Variants in TRIM42 observed in about 807,000 individuals in gnomAD.
TRIM42 encodes the protein tripartite motif containing 42.
Under a neutral mutation model 64.9 loss-of-function variants are expected in TRIM42, and 59 were observed. That is an observed-to-expected ratio of 0.91 (90% confidence interval 0.74 to 1.13). The LOEUF (loss-of-function observed/expected upper bound fraction) is 1.13, where lower values mean the gene tolerates loss of function less well. TRIM42 is among the 50% of genes most tolerant of loss of function. The pLI is 0.00. For synonymous variants in TRIM42, 354 were observed against 346.3 expected, an observed-to-expected ratio of 1.02 and a Z score of -0.25; for missense variants, 878 against 929.5, an observed-to-expected ratio of 0.94 and a Z score of 0.72.
rs912895040 is a variant in TRIM42, at chr3:140,696,807, A to G, written c.2086-4081A>G. 6.6e-5 allele frequency among the ~76,000 whole-genome samples: 10 copies of G among 152,328 alleles called. 1 individual carries two copies. Among genetic ancestry groups the G allele is most frequent in the Admixed American group, 5.9e-4 (9 of 15,304 alleles). On this transcript the variant is annotated intron_variant, in intron 4 of 4. Coordinates refer to ENST00000286349, the MANE Select transcript of TRIM42 (RefSeq NM_152616.5). The stretch of plus-strand genomic sequence containing the variant: ...CCGGTTAGGTTGGATTAGGGTCCTC[A>G]TTTTAATTAAATCACCTCTTCAAAG...
In TRIM42 at chr3:140,688,535, C is replaced by G. The variant is rs761332501; in HGVS notation, c.1853C>G (p.Ala618Gly). ...TACCAGACTCTGGTGTACCCAAGAG[C>G]TGCCAAGGTAAGAAAGGTTCTGGGC... Reference protein sequence around the residue: ...VIYQTLVYPRAAKVYWTCPAE... With the variant: ...VIYQTLVYPRGAKVYWTCPAE... The change falls in exon 3 of 5, where the codon GCT (alanine) becomes GGT (glycine). Residue 618 changes from alanine (A) to glycine (G), a missense_variant. Coordinates refer to ENST00000286349, the MANE Select transcript of TRIM42 (RefSeq NM_152616.5). 2 of 1,605,946 alleles carry G rather than the reference C, an allele frequency of 1.2e-6. No homozygotes were observed. Among genetic ancestry groups the G allele is most frequent in the South Asian group, 1.1e-5 (1 of 89,816 alleles).
chr3:140,687,570 C>A (rs1449209145), intron 2 of TRIM42, 152 bp from the exon 3 acceptor site: 3 of 619,164 alleles, frequency 4.8e-6, no homozygotes, highest in Admixed American at 3.0e-5. Context: ...TTTCATAAAC[C>A]TATTCCAGCC....
chr3:140,695,097 A>G (rs1441304475), intron 4 of TRIM42, among the ~76,000 whole-genome samples: 3 of 151,992 alleles, frequency 2.0e-5, no homozygotes, highest in Admixed American at 2.0e-4. Flanking sequence ...ATTAAAAAAA[A>G]GTCAGCTGGG....
intron 2 of TRIM42, 150 bp from the exon 3 acceptor site, chr3:140,687,572 A>C: frequency 1.6e-6 from 1 of 624,220 alleles, no homozygotes; most frequent in Non-Finnish European, 2.8e-6. Flanking sequence ...TCATAAACCT[A>C]TTCCAGCCTG....
chr3:140,694,152 T>G (rs947424429), intron 4 of TRIM42, among the ~76,000 whole-genome samples: 3 of 152,146 alleles, frequency 2.0e-5, no homozygotes, highest in Non-Finnish European at 2.9e-5. Context: ...CATAGTACTT[T>G]ACTCTGGGAG....
In TRIM42 at chr3:140,682,921, C is replaced by T. The variant is rs750028405; in HGVS notation, c.801C>T (p.His267=). 9.3e-6 allele frequency: 15 copies of T among 1,614,260 alleles called. No homozygotes were observed. Among genetic ancestry groups the T allele is most frequent in the Non-Finnish European group, 1.3e-5 (15 of 1,180,044 alleles). The change falls in exon 2 of 5, where the codon CAC becomes CAT. Residue 267 remains histidine (H), a synonymous_variant. Coordinates refer to ENST00000286349, the MANE Select transcript of TRIM42 (RefSeq NM_152616.5). ...NLCNDCLKAF[H]SDVAMQDHVF... ...GCAACGACTGCCTCAAGGCCTTCCA[C>T]TCGGATGTGGCCATGCAAGACCACG...
At chr3:140,678,751 C>G (rs1245700514) in intron 1 of TRIM42, among the ~76,000 whole-genome samples, 181 bp downstream of exon 1, 1 of 152,166 alleles carries the variant, frequency 6.6e-6, no homozygotes, top group East Asian at 1.9e-4. Context: ...GTATGTAGAC[C>G]ATGAGCTCCA....
intron 2 of TRIM42, among the ~76,000 whole-genome samples, chr3:140,684,977 G>T (rs1424949011): frequency 6.6e-6 from 1 of 152,176 alleles, no homozygotes; most frequent in African/African-American, 2.4e-5. Context: ...TCAATTCAAG[G>T]TGGGGGGAAA....
At position 140,679,598 on chromosome 3, in the gene TRIM42, C is replaced by G. The variant is rs567928173; in HGVS notation, c.341+1028C>G. On this transcript the variant is annotated intron_variant, in intron 1 of 4. Coordinates refer to ENST00000286349, the MANE Select transcript of TRIM42 (RefSeq NM_152616.5). Reference sequence around the variant, plus strand: ...TTTAGTAGATGCTTAACAAACATAGCTCTCCACCCATGACCCTCTCATAGT... The same window carrying G: ...TTTAGTAGATGCTTAACAAACATAGGTCTCCACCCATGACCCTCTCATAGT... 2.0e-5 allele frequency among the ~76,000 whole-genome samples: 3 copies of G among 152,320 alleles called. No individual in the cohort carries two copies. In the East Asian group the frequency reaches 5.8e-4, roughly 29 times the overall value.
At position 140,692,562 on chromosome 3, in the gene TRIM42, C is replaced by CACACAGAG. The variant is rs375439126; in HGVS notation, c.2085+1371_2085+1372insCACAGAGA. Among the ~76,000 whole-genome samples the CACACAGAG allele has an allele frequency of 4.0e-3, 452 of 114,190 alleles. 3 individuals are homozygous for CACACAGAG. The highest frequency in any genetic ancestry group is 9.3e-3 in the Middle Eastern group (2 of 214). The allele number at this position is 114,190 out of a possible 152,430, so 74.9% of individuals were successfully genotyped here. A position where few individuals can be genotyped will look rare whatever the true frequency, so the allele number is the denominator to read the frequency against. On this transcript the variant is annotated intron_variant, in intron 4 of 4. Transcript: ENST00000286349. Reference sequence around the variant, plus strand: ...ACACACACACACACACACACACACACAGAGAGAGATAGAGAGAGAGAGAGA... The same window carrying CACACAGAG: ...ACACACACACACACACACACACACACACACAGAGAGAGAGAGATAGAGAGAGAGAGAGA...
chr3:140,682,492 C>T lies in TRIM42; in HGVS notation c.372C>T (p.Ser124=), dbSNP rs775007506. The T allele has an allele frequency of 4.3e-6, 7 of 1,613,926 alleles. No homozygotes were observed. The highest frequency in any genetic ancestry group is 1.3e-5 in the African/African-American group (1 of 74,932). The change falls in exon 2 of 5, where the codon AGC becomes AGT. Residue 124 remains serine (S), a synonymous_variant. Coordinates refer to ENST00000286349, the MANE Select transcript of TRIM42 (RefSeq NM_152616.5). ...AGACTGCCCTGCGCACTGGGAGCAG[C>T]GATACCCAGGTGGATGAAGTAAAGT... ...SSKTALRTGS[S]DTQVDEVKSI...
chr3:140,679,956 C>T (rs563943245), intron 1 of TRIM42, among the ~76,000 whole-genome samples: 278 of 148,560 alleles, frequency 1.9e-3, no homozygotes, highest in African/African-American at 6.5e-3. Flanking sequence ...CCCCCCACCC[C>T]GCTTCAGGTG....
At position 140,687,323 on chromosome 3, in the gene TRIM42, T is replaced by G. The variant is rs141577781; in HGVS notation, c.1040-399T>G. Among the ~76,000 whole-genome samples, 246 of 152,332 alleles carry G rather than the reference T, an allele frequency of 1.6e-3. 1 individual carries two copies. The highest frequency in any genetic ancestry group is 5.8e-3 in the African/African-American group (241 of 41,580). On this transcript the variant is annotated intron_variant, in intron 2 of 4. Coordinates refer to ENST00000286349, the MANE Select transcript of TRIM42 (RefSeq NM_152616.5). ...GAAACTTAGTTCTTCCTCTTACCAC[T>G]GCAAAAGCTTAGGTTTCCTACAGGG...
intron 4 of TRIM42, among the ~76,000 whole-genome samples, chr3:140,700,002 C>T (rs1988956920): frequency 6.6e-6 from 1 of 152,076 alleles, no homozygotes; most frequent in Non-Finnish European, 1.5e-5. Flanking sequence ...CCATACAAAC[C>T]CCACCCCCAT....
At position 140,700,961 on chromosome 3, in the gene TRIM42, A is replaced by G. The variant is rs780835663; in HGVS notation, c.2159A>G (p.Gln720Arg). The G allele has an allele frequency of 1.9e-6, 3 of 1,614,086 alleles. No homozygotes were observed. The highest frequency in any genetic ancestry group is 3.3e-5 in the Admixed American group (2 of 60,026). The change falls in exon 5 of 5, where the codon CAG (glutamine) becomes CGG (arginine). Residue 720 changes from glutamine (Q) to arginine (R), a missense_variant. By Grantham distance (43) the Gln-to-Arg change is conservative. Coordinates refer to ENST00000286349, the MANE Select transcript of TRIM42 (RefSeq NM_152616.5). ...CTGAAGAATATCCAGTCTGCCCTCC[A>G]GAAGCACTTCTGAGCCCCTTCAGAG... ...GLLKNIQSAL[Q>R]KHF
chr3:140,687,608 C>T, intron 2 of TRIM42, 114 bp from the exon 3 acceptor site: 1 of 761,828 alleles, frequency 1.3e-6, no homozygotes, highest in Non-Finnish European at 2.1e-6. Context: ...AAGTGCCTTC[C>T]CTCCCTCTTC....
At position 140,681,429 on chromosome 3, in the gene TRIM42, G is replaced by A. The variant is rs985362736; in HGVS notation, c.342-1033G>A. Among the ~76,000 whole-genome samples, 4 of 152,066 alleles carry A rather than the reference G, an allele frequency of 2.6e-5. 1 individual carries two copies. The highest frequency in any genetic ancestry group is 3.2e-3 in the Middle Eastern group (1 of 316). On this transcript the variant is annotated intron_variant, in intron 1 of 4. Transcript: ENST00000286349. ...GTACTGTGAGCTTTGACTTATAGTT[G>A]AGAAAACTGAACATGAGAGAGGTTT...
chr3:140,695,229 C>G (rs546659261), intron 4 of TRIM42, among the ~76,000 whole-genome samples: 1 of 152,162 alleles, frequency 6.6e-6, no homozygotes, highest in African/African-American at 2.4e-5. Context: ...GCCTGGGTGA[C>G]AGAGTGAGAC....
intron 2 of TRIM42, among the ~76,000 whole-genome samples, chr3:140,687,388 C>G (rs557309568): frequency 6.6e-6 from 1 of 152,338 alleles, no homozygotes; most frequent in African/African-American, 2.4e-5. Flanking sequence ...CACCTCTTCT[C>G]AAGTCCAACT....
Sources: gnomAD v4.1 joint callset for allele counts (sites outside exome capture counted in the v4.1 genomes callset) on GRCh38, gnomAD v4.1.1 for gene constraint, MANE v1.5 for transcripts, NCBI Gene and HGNC (gene_info 2026-07-23, HGNC 2026-07-21) for gene names.